DPH6: variants seen among roughly 807,000 people sequenced by gnomAD.
The protein encoded by DPH6 is diphthine--ammonia ligase.
Under a neutral mutation model 38.2 loss-of-function variants are expected in DPH6, and 33 were observed. The ratio of observed to expected loss-of-function variants is 0.86; its 90% CI spans 0.65 to 1.15. The LOEUF (loss-of-function observed/expected upper bound fraction) is 1.15, where lower values mean the gene tolerates loss of function less well. Ranked by LOEUF, DPH6 falls within the 50% of genes most tolerant of loss-of-function variation. The pLI, the probability that DPH6 is intolerant of heterozygous loss-of-function variation, is 0.00. For missense variants in DPH6, 325 were observed against 320.0 expected (o/e 1.02, Z -0.12); for synonymous variants, 108 against 103.0 (o/e 1.05, Z -0.30).
At chr15:35,154,008 C>G in the DPH6 span, among the ~76,000 whole-genome samples, 2 of 152,070 alleles carry the variant, frequency 1.3e-5, no homozygotes, top group South Asian at 4.1e-4. Context: ...GTTCATCTTA[C>G]CTAGATCTCC....
intron 5 of DPH6, among the ~76,000 whole-genome samples, chr15:35,441,376 C>A (rs1465941938): frequency 1.3e-5 from 2 of 152,180 alleles, no homozygotes; most frequent in African/African-American, 2.4e-5. Flanking sequence ...TTTACTGCAG[C>A]ACTATTCACA....
intron 3 of DPH6, among the ~76,000 whole-genome samples, chr15:35,528,880 C>T (rs1307482799): frequency 1.3e-5 from 2 of 152,118 alleles, no homozygotes; most frequent in East Asian, 1.9e-4. Context: ...ATCTCAGGGG[C>T]TTTCCACCAT....
chr15:35,256,049 C>A (rs2622755), intron 3 of DPH6, among the ~76,000 whole-genome samples: 20 of 151,730 alleles, frequency 1.3e-4, no homozygotes, highest in African/African-American at 4.6e-4. Context: ...AATAAACTTA[C>A]AGATTTACAG....
intron 5 of DPH6, among the ~76,000 whole-genome samples, chr15:35,434,005 C>G (rs1484259390): frequency 6.6e-6 from 1 of 152,138 alleles, no homozygotes. Context: ...AGGCTGCCCT[C>G]TACAATATAT....
chr15:35,397,868 T>TATATATATATACACAC (rs752473433), intron 6 of DPH6, among the ~76,000 whole-genome samples: 1 of 87,258 alleles, frequency 1.1e-5, no homozygotes. Flanking sequence ...TTTATATATA[T>TATATATATATACACAC]ACACACACAC....
intron 3 of DPH6, among the ~76,000 whole-genome samples, chr15:35,335,929 T>C (rs930656265): frequency 2.3e-4 from 35 of 152,224 alleles, no homozygotes; most frequent in African/African-American, 7.7e-4. Flanking sequence ...AGAATGTCAA[T>C]GGTAGTTTAA....
chr15:35,507,457 T>G (rs576961289), intron 3 of DPH6, among the ~76,000 whole-genome samples: 2 of 152,198 alleles, frequency 1.3e-5, no homozygotes, highest in East Asian at 3.9e-4. Flanking sequence ...TAGTTGACTG[T>G]TGAAACCTCG....
intron 6 of DPH6, among the ~76,000 whole-genome samples, chr15:35,409,983 AC>A (rs1195224641): frequency 6.6e-6 from 1 of 151,844 alleles, no homozygotes; most frequent in African/African-American, 2.4e-5. Flanking sequence ...TGATTCATAA[AC>A]CATAAAATAA....
At chr15:35,499,114 A>G (rs562400441) in intron 3 of DPH6, among the ~76,000 whole-genome samples, 1 of 152,106 alleles carries the variant, frequency 6.6e-6, no homozygotes, top group Non-Finnish European at 1.5e-5. Flanking sequence ...TGAGAAAGCC[A>G]GTCTATACTT....
chr15:35,161,525 T>C, the DPH6 span, among the ~76,000 whole-genome samples: 1 of 151,866 alleles, frequency 6.6e-6, no homozygotes, highest in Non-Finnish European at 1.5e-5. Context: ...AATGTTTGTG[T>C]CTCCCCCAAG....
rs189444209 is a variant in DPH6 at position 35,540,431 on chromosome 15, T to G, written c.119-1964A>C. Reference sequence around the variant, plus strand: ...ACATTGGAGTCATCTCTACCAGTCATTCCTCACTAAGGTTTCTTTCATAAC... The same window carrying G: ...ACATTGGAGTCATCTCTACCAGTCAGTCCTCACTAAGGTTTCTTTCATAAC... On this transcript the variant is annotated intron_variant, in intron 2 of 8. Coordinates refer to ENST00000256538, the MANE Select transcript of DPH6 (RefSeq NM_080650.4). Among the ~76,000 whole-genome samples, 324 of 152,168 alleles carry G rather than the reference T, an allele frequency of 2.1e-3. 2 individuals carry two copies. The highest frequency in any genetic ancestry group is 7.6e-3 in the African/African-American group (314 of 41,540).
At chr15:35,319,733 C>A (rs2052224056) in intron 3 of DPH6, among the ~76,000 whole-genome samples, 1 of 151,818 alleles carries the variant, frequency 6.6e-6, no homozygotes, top group Admixed American at 6.6e-5. Flanking sequence ...GAGTGAGATT[C>A]CATCTCAAGA....
the DPH6 span, among the ~76,000 whole-genome samples, chr15:35,162,006 T>C: frequency 1.3e-5 from 2 of 151,932 alleles, no homozygotes; most frequent in Admixed American, 1.3e-4. Flanking sequence ...CCAGAGCCCA[T>C]CCTTGACTTT....
chr15:35,210,796 C>A, the DPH6 span, among the ~76,000 whole-genome samples: 13 of 152,008 alleles, frequency 8.6e-5, no homozygotes, highest in African/African-American at 2.7e-4. Flanking sequence ...TCAAGGGTGG[C>A]ACTGTGTTTA....
the DPH6 span, among the ~76,000 whole-genome samples, chr15:35,155,838 A>T: frequency 6.6e-6 from 1 of 152,304 alleles, no homozygotes; most frequent in Non-Finnish European, 1.5e-5. Context: ...TAGAAATCAC[A>T]TTGTATTTCT....
At chr15:35,530,798 C>T (rs992829144) in intron 3 of DPH6, among the ~76,000 whole-genome samples, 21 of 152,146 alleles carry the variant, frequency 1.4e-4, no homozygotes, top group Admixed American at 2.0e-4. Flanking sequence ...TCCTCATGCA[C>T]GCTTGACTTT....
intron 3 of DPH6, among the ~76,000 whole-genome samples, chr15:35,527,342 A>G (rs185885688): frequency 4.6e-5 from 7 of 152,318 alleles, no homozygotes; most frequent in Admixed American, 3.3e-4. Context: ...CACATTTTAT[A>G]GATGGAGCAA....
chr15:35,246,643 G>A (rs559063721), intron 3 of DPH6, among the ~76,000 whole-genome samples: 1 of 152,270 alleles, frequency 6.6e-6, no homozygotes, highest in East Asian at 1.9e-4. Flanking sequence ...GAACATTAAG[G>A]GGGTAAATTT....
At chr15:35,411,570 G>T (rs962112938) in intron 5 of DPH6, among the ~76,000 whole-genome samples, 1 of 151,600 alleles carries the variant, frequency 6.6e-6, no homozygotes, top group Non-Finnish European at 1.5e-5. Context: ...ATAGGTAATG[G>T]GGTGTGGGAG....
Sources: allele counts gnomAD v4.1 joint callset (sites outside exome capture counted in the v4.1 genomes callset), GRCh38; gene constraint gnomAD v4.1.1; transcripts MANE v1.5; gene names NCBI Gene and HGNC (gene_info 2026-07-23, HGNC 2026-07-21).